MAST4: variants seen among roughly 807,000 people sequenced by gnomAD.
The protein encoded by MAST4 is microtubule-associated serine/threonine-protein kinase 4.
In MAST4, 89 loss-of-function variants were observed where a neutral mutation model predicts 162.7. The ratio of observed to expected loss-of-function variants is 0.55; its 90% CI spans 0.46 to 0.65. The LOEUF (loss-of-function observed/expected upper bound fraction) is 0.65. Ranked by LOEUF, MAST4 falls within the 30% of genes least tolerant of loss-of-function variation. The probability of loss-of-function intolerance (pLI) is 0.00; values close to 1 mark genes in which losing one functional copy is unlikely to be tolerated. For synonymous variants in MAST4, 1,479 were observed against 1,361.1 expected, an observed-to-expected ratio of 1.09 and a Z score of -1.91; for missense variants, 3,153 against 3,374.0, an observed-to-expected ratio of 0.93 and a Z score of 1.62.
chr5:67,066,290 GAAAT>G lies in MAST4; in HGVS notation c.763+11808_763+11811del, dbSNP rs1198920535. On this transcript the variant is annotated intron_variant, in intron 5 of 28. Coordinates refer to ENST00000403625, the MANE Select transcript of MAST4 (RefSeq NM_001164664.2). ...AGAAACATATAGATAAAAGAAAATA[GAAAT>G]AAATAAATATAAATCATCTATATTC... Among the ~76,000 whole-genome samples, 14 of 151,606 alleles carry G rather than the reference GAAAT, an allele frequency of 9.2e-5. No individual in the cohort carries two copies. In the South Asian group the frequency reaches 2.3e-3, roughly 25 times the overall value.
At chr5:66,911,558 A>ACCCCCCACCCCCCC (rs1763767016) in intron 4 of MAST4, among the ~76,000 whole-genome samples, 1 of 18,068 alleles carries the variant, frequency 5.5e-5, no homozygotes, top group African/African-American at 1.6e-4. Context: ...AACAACAACA[A>ACCCCCCACCCCCCC]CCCCCCCCCC....
rs974487634 is a variant in MAST4, at chr5:66,725,286, G to C, written c.364-34423G>C. Among the ~76,000 whole-genome samples the C allele has an allele frequency of 3.9e-5, 6 of 152,080 alleles. No individual in the cohort carries two copies. In the East Asian group the frequency reaches 1.2e-3, roughly 29 times the overall value. The stretch of plus-strand genomic sequence containing the variant: ...TTTTAATAAAAATTAATACATGTGA[G>C]ATTTAAACTTAAAGAACACATGCAT... On this transcript the variant is annotated intron_variant, in intron 1 of 28. Transcript: ENST00000403625.
intron 1 of MAST4, among the ~76,000 whole-genome samples, chr5:66,619,484 T>C (rs531289811): frequency 6.6e-6 from 1 of 152,322 alleles, no homozygotes; most frequent in Admixed American, 6.5e-5. Context: ...AATAGAGATA[T>C]AGAGAATGAT....
intron 1 of MAST4, among the ~76,000 whole-genome samples, chr5:66,733,633 A>G (rs569063652): frequency 6.6e-6 from 1 of 152,044 alleles, no homozygotes; most frequent in Admixed American, 6.5e-5. Flanking sequence ...AAGTTTTTGT[A>G]TTTTTAGTAG....
chr5:66,806,586 G>C (rs1313927732), intron 3 of MAST4, among the ~76,000 whole-genome samples: 1 of 152,156 alleles, frequency 6.6e-6, no homozygotes, highest in Admixed American at 6.5e-5. Flanking sequence ...AGACCCACTT[G>C]ATCAGTTGGG....
chr5:67,166,441 G>C lies in MAST4; in HGVS notation c.7262G>C (p.Gly2421Ala). 1 of 1,603,136 alleles carries C rather than the reference G, an allele frequency of 6.2e-7. No individual in the cohort carries two copies. Among genetic ancestry groups the C allele is most frequent in the South Asian group, 1.1e-5 (1 of 89,326 alleles). ...GKGFPEARGK[G>A]PGPQKPPTEA... ...GGCTTCCCTGAGGCCAGAGGGAAAG[G>C]GCCCGGTCCCCAGAAGCCACCGACG... is the stretch of plus-strand genomic sequence containing the variant. The change falls in exon 29 of 29, where the codon GGG becomes GCG. Residue 2421 changes from glycine to alanine, a missense_variant. By Grantham distance (60) the Gly-to-Ala change is moderately conservative. Transcript: ENST00000403625.
chr5:66,778,739 C>T (rs1477404436), intron 2 of MAST4, among the ~76,000 whole-genome samples: 2 of 152,244 alleles, frequency 1.3e-5, no homozygotes, highest in East Asian at 3.9e-4. Context: ...ATCACCTTGC[C>T]ATATTACCCA....
intron 4 of MAST4, among the ~76,000 whole-genome samples, chr5:66,990,000 G>T (rs1243663007): frequency 6.6e-6 from 1 of 152,180 alleles, no homozygotes; most frequent in Non-Finnish European, 1.5e-5. Flanking sequence ...TTCACAGGGA[G>T]ACACAGAGGA....
chr5:66,636,127 T>G (rs1343863374), intron 1 of MAST4, among the ~76,000 whole-genome samples: 5 of 151,826 alleles, frequency 3.3e-5, no homozygotes, highest in African/African-American at 1.2e-4. Context: ...CCAGCTAATT[T>G]CTGTATTTTT....
At chr5:66,748,572 A>G (rs2591858) in intron 1 of MAST4, among the ~76,000 whole-genome samples, 2 of 150,296 alleles carry the variant, frequency 1.3e-5, no homozygotes, top group Admixed American at 1.3e-4. Flanking sequence ...CACTGCAACC[A>G]CTGCCTCTCG....
At chr5:66,746,456 G>A (rs1752764227) in intron 1 of MAST4, among the ~76,000 whole-genome samples, 1 of 152,154 alleles carries the variant, frequency 6.6e-6, no homozygotes, top group South Asian at 2.1e-4. Context: ...TGAGAGCTGT[G>A]AAGGATTTAT....
rs535768197 is a variant in MAST4, at chr5:66,740,850, C to G, written c.364-18859C>G. Among the ~76,000 whole-genome samples, 182 of 152,294 alleles carry G rather than the reference C, an allele frequency of 1.2e-3. 1 individual carries two copies. The highest frequency in any genetic ancestry group is 4.2e-3 in the African/African-American group (175 of 41,560). Reference sequence around the variant, plus strand: ...GGAATGGCTTGTGTTTGACAGCTAACTGTGGGTCTCTGATACCTTGGGCAA... The same window carrying G: ...GGAATGGCTTGTGTTTGACAGCTAAGTGTGGGTCTCTGATACCTTGGGCAA... On this transcript the variant is annotated intron_variant, in intron 1 of 28. Coordinates refer to ENST00000403625, the MANE Select transcript of MAST4 (RefSeq NM_001164664.2).
intron 24 of MAST4, among the ~76,000 whole-genome samples, chr5:67,150,967 G>A (rs747393937): frequency 4.6e-5 from 7 of 152,102 alleles, no homozygotes; most frequent in African/African-American, 1.2e-4. Context: ...TTCAGCTTAC[G>A]GTAGCCACAA....
chr5:67,131,901 G>C lies in MAST4; in HGVS notation c.2043G>C (p.Leu681Phe). The C allele has an allele frequency of 6.2e-7, 1 of 1,613,178 alleles. No homozygotes were observed. The highest frequency in any genetic ancestry group is 1.1e-5 in the South Asian group (1 of 91,052). The change falls in exon 16 of 29, where the codon TTG (leucine) becomes TTC (phenylalanine). Residue 681 changes from leucine (L) to phenylalanine (F), a missense_variant. Transcript: ENST00000403625. Reference protein sequence around the residue: ...RMYFAETVLALEYLHNYGIVH... With the variant: ...RMYFAETVLAFEYLHNYGIVH... ...ACTTTGCTGAGACGGTCTTGGCCTT[G>C]GAATATTTACATAATTATGGAATTG...
At chr5:66,720,154 AT>A (rs1272708011) in intron 1 of MAST4, among the ~76,000 whole-genome samples, 2 of 135,650 alleles carry the variant, frequency 1.5e-5, no homozygotes, top group African/African-American at 2.9e-5. Context: ...GTTTATTAAA[AT>A]TTTTTTATCA....
intron 1 of MAST4, among the ~76,000 whole-genome samples, chr5:66,706,216 T>C (rs572299786): frequency 1.3e-5 from 2 of 152,182 alleles, no homozygotes; most frequent in African/African-American, 2.4e-5. Flanking sequence ...AAATATGTTT[T>C]ATCATCAACA....
intron 4 of MAST4, among the ~76,000 whole-genome samples, chr5:66,989,942 A>G (rs1445926542): frequency 6.6e-6 from 1 of 152,126 alleles, no homozygotes; most frequent in Non-Finnish European, 1.5e-5. Context: ...TTTATTCTTG[A>G]TCTCCACCTT....
chr5:67,114,367 G>GAAATAGCCAT, intron 12 of MAST4, 148 bp downstream of exon 12: 1 of 952,384 alleles, frequency 1.0e-6, no homozygotes, highest in Admixed American at 3.2e-5. Flanking sequence ...CTATTTGAAG[G>GAAATAGCCAT]AAATAGCCAT....
At chr5:66,726,853 C>G (rs1480892450) in intron 1 of MAST4, among the ~76,000 whole-genome samples, 1 of 152,118 alleles carries the variant, frequency 6.6e-6, no homozygotes, top group Non-Finnish European at 1.5e-5. Context: ...GCCCCTACCC[C>G]CAGTCCGTGG....
Sources: gnomAD v4.1 joint callset for allele counts (sites outside exome capture counted in the v4.1 genomes callset) on GRCh38, gnomAD v4.1.1 for gene constraint, MANE v1.5 for transcripts, NCBI Gene and HGNC (gene_info 2026-07-23, HGNC 2026-07-21) for gene names.